Variants in SPMIP2 observed in about 807,000 individuals in gnomAD.
SPMIP2 encodes sperm microtubule inner protein 2.
At chr4:158,925,271 T>C in the SPMIP2 span, among the ~76,000 whole-genome samples, 2 of 152,250 alleles carry the variant, frequency 1.3e-5, no homozygotes, top group Admixed American at 6.5e-5. Flanking sequence ...TTTTGGTAGT[T>C]TGTATCTTTC....
At chr4:158,955,720 C>T in the SPMIP2 span, among the ~76,000 whole-genome samples, 4 of 152,110 alleles carry the variant, frequency 2.6e-5, no homozygotes, top group Middle Eastern at 3.2e-3. Context: ...CCACTGCATG[C>T]GGCCATTAGT....
the SPMIP2 span, among the ~76,000 whole-genome samples, chr4:158,996,681 C>T: frequency 2.6e-5 from 4 of 152,152 alleles, no homozygotes; most frequent in Non-Finnish European, 4.4e-5. Flanking sequence ...GCACTGCATC[C>T]TCTCCTTACC....
chr4:158,994,947 T>A, the SPMIP2 span, among the ~76,000 whole-genome samples: 1 of 152,242 alleles, frequency 6.6e-6, no homozygotes, highest in African/African-American at 2.4e-5. Context: ...GGTACAATTA[T>A]GCAATGGGCC....
the SPMIP2 span, among the ~76,000 whole-genome samples, chr4:158,968,223 T>A: frequency 6.6e-6 from 1 of 152,140 alleles, no homozygotes; most frequent in Non-Finnish European, 1.5e-5. Flanking sequence ...GAGACAGGGT[T>A]TCACCATGGT....
the SPMIP2 span, among the ~76,000 whole-genome samples, chr4:158,910,630 T>C: frequency 1.4e-4 from 22 of 152,208 alleles, 1 homozygote; most frequent in Non-Finnish European, 2.9e-5. Flanking sequence ...GGACCCTGAA[T>C]AAAGCTATTT....
the SPMIP2 span, among the ~76,000 whole-genome samples, chr4:159,038,133 T>G: frequency 6.6e-6 from 1 of 152,198 alleles, no homozygotes; most frequent in African/African-American, 2.4e-5. Flanking sequence ...ATCTTATATT[T>G]TTTGCAGACA....
chr4:159,025,840 T>A, the SPMIP2 span, among the ~76,000 whole-genome samples: 1 of 151,908 alleles, frequency 6.6e-6, no homozygotes. Flanking sequence ...TTCAAAAGAG[T>A]TAAGGGGAAA....
the SPMIP2 span, among the ~76,000 whole-genome samples, chr4:159,015,587 A>C: frequency 6.6e-6 from 1 of 152,238 alleles, no homozygotes; most frequent in Non-Finnish European, 1.5e-5. Flanking sequence ...TTCAAGATTT[A>C]CTAGATCAAG....
the SPMIP2 span, among the ~76,000 whole-genome samples, chr4:159,024,203 C>G: frequency 2.6e-5 from 4 of 152,080 alleles, no homozygotes; most frequent in African/African-American, 9.7e-5. Flanking sequence ...ATGATTTGAC[C>G]AACTAAATGA....
chr4:158,906,009 A>G, the SPMIP2 span: 3 of 152,368 alleles, frequency 2.0e-5, no homozygotes, highest in Non-Finnish European at 2.9e-5. Context: ...TTCATTTGAT[A>G]AAAATCAGAA....
chr4:158,921,887 T>A, the SPMIP2 span, among the ~76,000 whole-genome samples: 1 of 56,940 alleles, frequency 1.8e-5, no homozygotes, highest in African/African-American at 5.6e-5. Context: ...CTACATACTT[T>A]TTTTTTTTTT....
At chr4:158,952,176 C>T in the SPMIP2 span, among the ~76,000 whole-genome samples, 1 of 152,110 alleles carries the variant, frequency 6.6e-6, no homozygotes, top group African/African-American at 2.4e-5. Flanking sequence ...TGAATCAGTA[C>T]TCCTTGCTTG....
chr4:159,075,747 G>A, the SPMIP2 span, among the ~76,000 whole-genome samples: 3 of 151,198 alleles, frequency 2.0e-5, no homozygotes, highest in Non-Finnish European at 4.4e-5. Context: ...AAATAGTGAT[G>A]CCATGACTAT....
At chr4:158,972,341 G>A in the SPMIP2 span, among the ~76,000 whole-genome samples, 2 of 152,164 alleles carry the variant, frequency 1.3e-5, no homozygotes, top group African/African-American at 2.4e-5. Flanking sequence ...CAGCCTGGGC[G>A]GCAGAGTGAG....
At chr4:158,977,216 C>G in the SPMIP2 span, among the ~76,000 whole-genome samples, 1 of 152,172 alleles carries the variant, frequency 6.6e-6, no homozygotes, top group Non-Finnish European at 1.5e-5. Context: ...GGCTGTGAAT[C>G]TGTCTGGTCC....
the SPMIP2 span, among the ~76,000 whole-genome samples, chr4:159,065,410 G>T: frequency 2.0e-5 from 3 of 151,670 alleles, no homozygotes; most frequent in Non-Finnish European, 4.4e-5. Context: ...ATTCATTTAG[G>T]CAGTTCTTTA....
At chr4:158,899,054 T>C in the SPMIP2 span, among the ~76,000 whole-genome samples, 1 of 152,110 alleles carries the variant, frequency 6.6e-6, no homozygotes, top group African/African-American at 2.4e-5. Context: ...TAGCTTGAAG[T>C]GGTGTTGAGT....
the SPMIP2 span, among the ~76,000 whole-genome samples, chr4:159,011,382 T>C: frequency 2.6e-3 from 391 of 152,248 alleles, 1 homozygote; most frequent in African/African-American, 9.2e-3. Flanking sequence ...ATTTAGAGAG[T>C]GGTGATGCCA....
At chr4:159,065,452 T>C in the SPMIP2 span, among the ~76,000 whole-genome samples, 1 of 152,156 alleles carries the variant, frequency 6.6e-6, no homozygotes, top group South Asian at 2.1e-4. Context: ...GTGTGTTGGC[T>C]CACACCTGTA....
Sources: gnomAD v4.1 joint callset for allele counts (sites outside exome capture counted in the v4.1 genomes callset) on GRCh38, gnomAD v4.1.1 for gene constraint, MANE v1.5 for transcripts, NCBI Gene and HGNC (gene_info 2026-07-23, HGNC 2026-07-21) for gene names.